The following TACC2 variants were observed in gnomAD, a reference collection of about 807,000 sequenced individuals.
The protein encoded by TACC2 is transforming acidic coiled-coil-containing protein 2.
A neutral mutation model predicts 227.3 loss-of-function variants in TACC2; 137 were observed. The ratio of observed to expected loss-of-function variants is 0.60; its 90% CI spans 0.52 to 0.69. The LOEUF (loss-of-function observed/expected upper bound fraction) is 0.69. Among genes scored for constraint, TACC2 ranks in the 30% least tolerant of loss-of-function variants. The probability of loss-of-function intolerance (pLI) is 0.00; values close to 1 mark genes in which losing one functional copy is unlikely to be tolerated. For missense variants in TACC2, 3,470 were observed against 3,694.4 expected (o/e 0.94, Z 1.57); for synonymous variants, 1,523 against 1,487.5 (o/e 1.02, Z -0.55).
chr10:122,072,453 G>A (rs2078189878), intron 3 of TACC2, among the ~76,000 whole-genome samples: 1 of 152,200 alleles, frequency 6.6e-6, no homozygotes, highest in African/African-American at 2.4e-5. Context: ...TCTGTGGGGA[G>A]GGTTGTTTGG....
chr10:122,238,496 G>A (rs759907774), intron 18 of TACC2, among the ~76,000 whole-genome samples: 4 of 152,150 alleles, frequency 2.6e-5, no homozygotes, highest in Admixed American at 1.3e-4. Context: ...TGCCCAGGCT[G>A]GAGTGCAGTG....
chr10:122,095,205 G>T (rs750329922), intron 5 of TACC2, among the ~76,000 whole-genome samples: 3 of 152,154 alleles, frequency 2.0e-5, no homozygotes, highest in Non-Finnish European at 4.4e-5. Flanking sequence ...TTTCACCAAT[G>T]CCAGCCACCC....
chr10:122,083,910 G>A lies in TACC2; in HGVS notation c.1410G>A (p.Arg470=). The A allele has an allele frequency of 6.2e-7, 1 of 1,614,140 alleles. No individual in the cohort carries two copies. The highest frequency in any genetic ancestry group is 8.5e-7 in the Non-Finnish European group (1 of 1,180,020). ...VVDAGLVGLE[R]QVSDLGSKGE... ...ATGCAGGGTTGGTGGGACTGGAGAG[G>A]CAGGTGTCAGATCTTGGAAGCAAGG... is the stretch of plus-strand genomic sequence containing the variant. The change falls in exon 4 of 23, where the codon AGG becomes AGA. Residue 470 remains arginine (R), a synonymous_variant. Coordinates refer to ENST00000369005, the MANE Select transcript of TACC2 (RefSeq NM_206862.4).
chr10:122,120,462 G>A (rs1179067309), intron 5 of TACC2, among the ~76,000 whole-genome samples: 1 of 152,150 alleles, frequency 6.6e-6, no homozygotes, highest in Non-Finnish European at 1.5e-5. Flanking sequence ...AGCCACCGCG[G>A]GTGCCCTGGC....
At chr10:122,115,827 C>T (rs1462002678) in intron 5 of TACC2, among the ~76,000 whole-genome samples, 1 of 151,808 alleles carries the variant, frequency 6.6e-6, no homozygotes, top group Non-Finnish European at 1.5e-5. Context: ...TTTACTGTAG[C>T]TGGGGTTTAG....
Position 122,215,318 on chromosome 10 carries a change from G to A in TACC2, c.7284-73G>A, listed in dbSNP as rs760167073. ...ATGGCTCCGCAGAGGCAGTAGCTTC[G>A]GTCCGCTCTGTACTGCTCTGGAGTG... On this transcript the variant is annotated intron_variant, in intron 9 of 22. Transcript: ENST00000369005. The A allele has an allele frequency of 2.6e-4, 359 of 1,386,104 alleles. 1 individual carries two copies. Among genetic ancestry groups the A allele is most frequent in the Admixed American group, 3.5e-4 (21 of 59,584 alleles). 85.9% of individuals were successfully genotyped at this position (1,386,104 alleles called of 1,614,324 possible).
rs538761433 is a variant in TACC2 at position 122,235,682 on chromosome 10, A to G, written c.8128-1713A>G. The stretch of plus-strand genomic sequence containing the variant: ...TGTGAAACCCATTTTCCAATAGCAG[A>G]GATGAACCCCTGCATGTGAGGCTCC... On this transcript the variant is annotated intron_variant, in intron 16 of 22. Transcript: ENST00000369005. 1.7e-4 allele frequency among the ~76,000 whole-genome samples: 26 copies of G among 152,278 alleles called. No homozygotes were observed. In the East Asian group the frequency reaches 4.7e-3, roughly 27 times the overall value.
At chr10:122,231,520 G>A (rs184559891) in intron 16 of TACC2, among the ~76,000 whole-genome samples, 8 of 152,362 alleles carry the variant, frequency 5.3e-5, no homozygotes, top group African/African-American at 1.9e-4. Flanking sequence ...AAGGAAAGCT[G>A]CTGTTGTTAG....
chr10:122,119,191 T>A (rs1482566864), intron 5 of TACC2, among the ~76,000 whole-genome samples: 2 of 152,208 alleles, frequency 1.3e-5, no homozygotes, highest in African/African-American at 4.8e-5. Context: ...CTACATATAT[T>A]TTTTCCTCTT....
At chr10:122,035,940 G>C (rs74766136) in intron 2 of TACC2, among the ~76,000 whole-genome samples, 2,800 of 152,180 alleles carry the variant, frequency 0.018, 80 homozygotes, top group African/African-American at 0.064. Flanking sequence ...AGCCTCCCTA[G>C]TAGCTAGGAT....
At chr10:122,120,972 G>A (rs2085661740) in intron 5 of TACC2, among the ~76,000 whole-genome samples, 1 of 152,094 alleles carries the variant, frequency 6.6e-6, no homozygotes, top group Non-Finnish European at 1.5e-5. Flanking sequence ...CGCCTTGTTG[G>A]CCAGGCCAAA....
rs746328832 is a variant in TACC2, at chr10:122,244,905, A to T, written c.8392+2904A>T. On this transcript the variant is annotated intron_variant, in intron 19 of 22. Transcript: ENST00000369005. ...GAGAGATATGTTTTGTTAAGCTCAC[A>T]TAGTGACTATTTAGAATTCAGAAGA... Among the ~76,000 whole-genome samples, 94 of 152,354 alleles carry T rather than the reference A, an allele frequency of 6.2e-4. 1 individual carries two copies. The highest frequency in any genetic ancestry group is 1.3e-3 in the Non-Finnish European group (88 of 68,026).
At chr10:121,993,573 T>A (rs570603556) in intron 1 of TACC2, among the ~76,000 whole-genome samples, 5 of 152,324 alleles carry the variant, frequency 3.3e-5, no homozygotes, top group Admixed American at 2.0e-4. Flanking sequence ...ATGTAGTATT[T>A]ACACATAAAT....
chr10:122,155,833 ATTTTTTTTT>A (rs66559186), intron 7 of TACC2, among the ~76,000 whole-genome samples: 1 of 118,304 alleles, frequency 8.5e-6, no homozygotes, highest in South Asian at 2.7e-4. Context: ...TAGTGGGAAA[ATTTTTTTTT>A]TTTTTTTTTT....
chr10:122,207,296 CA>C (rs930705907), intron 8 of TACC2, among the ~76,000 whole-genome samples: 77 of 144,968 alleles, frequency 5.3e-4, no homozygotes, highest in Middle Eastern at 3.5e-3. Flanking sequence ...GGGACTATTT[CA>C]AAAAAAAAAA....
chr10:122,135,966 G>A (rs2089546102), intron 6 of TACC2, among the ~76,000 whole-genome samples: 1 of 152,210 alleles, frequency 6.6e-6, no homozygotes, highest in African/African-American at 2.4e-5. Flanking sequence ...ACAGGCCTCG[G>A]GGCGAAAAGT....
intron 5 of TACC2, among the ~76,000 whole-genome samples, chr10:122,112,860 C>A (rs1042019892): frequency 2.0e-5 from 3 of 151,996 alleles, no homozygotes; most frequent in African/African-American, 7.2e-5. Flanking sequence ...CCCCTCGGTG[C>A]GTCTGGGCGC....
intron 7 of TACC2, among the ~76,000 whole-genome samples, chr10:122,192,995 G>A (rs564390029): frequency 2.0e-5 from 3 of 152,118 alleles, no homozygotes; most frequent in Non-Finnish European, 2.9e-5. Flanking sequence ...GATGCTTCAG[G>A]TACCTCGATC....
chr10:122,127,851 T>G lies in TACC2; in HGVS notation c.5574-4758T>G, dbSNP rs57472789. On this transcript the variant is annotated intron_variant, in intron 5 of 22. Coordinates refer to ENST00000369005, the MANE Select transcript of TACC2 (RefSeq NM_206862.4). Reference sequence around the variant, plus strand: ...TTGACAGTTTATTTCTTTGTAGCAGTTTCATATGGTTGAGCCTAATATATA... The same window carrying G: ...TTGACAGTTTATTTCTTTGTAGCAGGTTCATATGGTTGAGCCTAATATATA... 6.6e-3 allele frequency among the ~76,000 whole-genome samples: 998 copies of G among 152,350 alleles called. 12 individuals carry two copies. The highest frequency in any genetic ancestry group is 0.022 in the African/African-American group (924 of 41,576).
Sources: allele counts gnomAD v4.1 joint callset (sites outside exome capture counted in the v4.1 genomes callset), GRCh38; gene constraint gnomAD v4.1.1; transcripts MANE v1.5; gene names NCBI Gene and HGNC (gene_info 2026-07-23, HGNC 2026-07-21).